The following NUS1 variants were observed in gnomAD, a reference collection of about 807,000 sequenced individuals.
The protein encoded by NUS1 is NUS1 dehydrodolichyl diphosphate synthase subunit.
For synonymous variants in NUS1, 135 were observed against 155.2 expected (o/e 0.87, Z 0.97); for missense variants, 292 against 382.9 (o/e 0.76, Z 1.98).
chr6:117,694,587 G>C (rs1773288930), intron 3 of NUS1, among the ~76,000 whole-genome samples: 1 of 151,990 alleles, frequency 6.6e-6, no homozygotes, highest in Non-Finnish European at 1.5e-5. Flanking sequence ...CTGTTACCAT[G>C]ATTCCTTTTT....
chr6:117,710,111 A>G lies in NUS1; in HGVS notation c.*3096A>G, dbSNP rs1197782620. ...TATGAAATTTCCAAATTAAAAACGT[A>G]TATGTGTACTCTTTTAAAAAGGAAT... On this transcript the variant is annotated 3_prime_UTR_variant, in exon 5 of 5. Transcript: ENST00000368494. 1.3e-5 allele frequency: 2 copies of G among 152,150 alleles called. No homozygotes were observed. Among genetic ancestry groups the G allele is most frequent in the African/African-American group, 4.8e-5 (2 of 41,458 alleles). 9.4% of individuals were successfully genotyped at this position (152,150 alleles called of 1,614,324 possible). A position where few individuals can be genotyped will look rare whatever the true frequency, so the allele number is the denominator to read the frequency against.
chr6:117,698,886 T>C (rs1050760784), intron 3 of NUS1, among the ~76,000 whole-genome samples: 7 of 152,018 alleles, frequency 4.6e-5, no homozygotes, highest in Non-Finnish European at 1.0e-4. Flanking sequence ...TATGATATAT[T>C]GACAGTATGA....
intron 3 of NUS1, 133 bp from the exon 4 acceptor site, chr6:117,703,472 A>T: frequency 1.5e-6 from 1 of 677,212 alleles, no homozygotes. Flanking sequence ...TACAGATAAA[A>T]CTTCTGAAGA....
chr6:117,694,010 A>G, intron 2 of NUS1, 21 bp from the exon 3 acceptor site: 1 of 1,591,326 alleles, frequency 6.3e-7, no homozygotes. Flanking sequence ...TTTAAAATAC[A>G]TTGTTTGTTT....
chr6:117,710,507 G>A lies in NUS1; in HGVS notation c.*3492G>A, dbSNP rs940256952. 6.6e-6 allele frequency: 1 copy of A among 152,152 alleles called. No homozygotes were observed. The highest frequency in any genetic ancestry group is 2.4e-5 in the African/African-American group (1 of 41,536). The allele number at this position is 152,152 out of a possible 1,614,324, so 9.4% of individuals were successfully genotyped here. ...TTCATTATAGGAAAAAGAAGATTCA[G>A]AGAAACAAAGGAATGTAACCTTATT... On this transcript the variant is annotated 3_prime_UTR_variant, in exon 5 of 5. Transcript: ENST00000368494.
intron 1 of NUS1, among the ~76,000 whole-genome samples, chr6:117,683,008 A>G (rs1270243202): frequency 6.6e-6 from 1 of 152,238 alleles, no homozygotes; most frequent in Non-Finnish European, 1.5e-5. Flanking sequence ...TTTGAGTTAT[A>G]GGACACATTT....
At chr6:117,690,560 C>T (rs72951506) in intron 1 of NUS1, among the ~76,000 whole-genome samples, 20,281 of 152,128 alleles carry the variant, frequency 0.13, 1,859 homozygotes, top group South Asian at 0.36. Context: ...CTTATATGAC[C>T]TCTTTTGAAC....
chr6:117,687,573 C>G (rs1161264623), intron 1 of NUS1, among the ~76,000 whole-genome samples: 1 of 152,062 alleles, frequency 6.6e-6, no homozygotes, highest in African/African-American at 2.4e-5. Context: ...TTTCAGCTGG[C>G]CTGTGAAGAA....
chr6:117,706,492 A>G (rs763199131), intron 4 of NUS1, among the ~76,000 whole-genome samples: 2 of 152,224 alleles, frequency 1.3e-5, no homozygotes, highest in Non-Finnish European at 2.9e-5. Context: ...TCTCATTACT[A>G]GTTGCTTTTC....
rs561143064 is a variant in NUS1, at chr6:117,687,943, G to A, written c.416-5099G>A. ...ATATTATAAGGAAGTAGGCTGGGCC[G>A]GTTGCTCATGCCTGTAATCCCAATA... On this transcript the variant is annotated intron_variant, in intron 1 of 4. Coordinates refer to ENST00000368494, the MANE Select transcript of NUS1 (RefSeq NM_138459.5). Among the ~76,000 whole-genome samples the A allele has an allele frequency of 2.2e-4, 33 of 152,268 alleles. 1 individual carries two copies. Among genetic ancestry groups the A allele is most frequent in the Admixed American group, 1.8e-3 (28 of 15,286 alleles).
chr6:117,704,131 C>T (rs768023595), intron 4 of NUS1, among the ~76,000 whole-genome samples: 6 of 152,092 alleles, frequency 3.9e-5, no homozygotes, highest in Non-Finnish European at 7.4e-5. Context: ...TCAGAGGTGT[C>T]AAGGCTCAGA....
intron 1 of NUS1, among the ~76,000 whole-genome samples, chr6:117,678,945 G>A (rs1167049970): frequency 6.6e-6 from 1 of 152,146 alleles, no homozygotes; most frequent in Non-Finnish European, 1.5e-5. Context: ...GCCTCCCAAA[G>A]TGCTGGGATT....
chr6:117,690,975 G>GT, intron 1 of NUS1, among the ~76,000 whole-genome samples: 1 of 73,068 alleles, frequency 1.4e-5, no homozygotes, highest in African/African-American at 4.4e-5. Context: ...GTGAGAGTCT[G>GT]TCTCAAAAAA....
chr6:117,702,877 T>G (rs1773431205), intron 3 of NUS1, among the ~76,000 whole-genome samples: 1 of 152,194 alleles, frequency 6.6e-6, no homozygotes, highest in Non-Finnish European at 1.5e-5. Context: ...GGAACCTTAG[T>G]CTCTTGGATT....
chr6:117,691,826 T>C (rs1773227102), intron 1 of NUS1, among the ~76,000 whole-genome samples: 1 of 151,748 alleles, frequency 6.6e-6, no homozygotes, highest in African/African-American at 2.4e-5. Context: ...GATGTGTGTT[T>C]TGTGTTTCAT....
intron 3 of NUS1, among the ~76,000 whole-genome samples, chr6:117,695,206 A>T (rs1370796028): frequency 6.6e-6 from 1 of 150,940 alleles, no homozygotes; most frequent in African/African-American, 2.4e-5. Context: ...AAAAAAAAAA[A>T]AAAAAAAAAA....
At position 117,693,059 on chromosome 6, in the gene NUS1, A is replaced by C; in HGVS notation, c.433A>C (p.Asn145His). 1 of 1,606,228 alleles carries C rather than the reference A, an allele frequency of 6.2e-7. No homozygotes were observed. ...TTTTAAAGGTATTTTCAAAAGAAAT[A>C]ATTCCAGATTGATGGATGAAATTTT... ...YDHQGIFKRN[N>H]SRLMDEILKQ... is the part of the protein sequence containing the mutation. Residue 145 changes from asparagine (N) to histidine (H), a missense_variant, in exon 2 of 5, where the codon AAT becomes CAT. Coordinates refer to ENST00000368494, the MANE Select transcript of NUS1 (RefSeq NM_138459.5).
chr6:117,701,059 A>C (rs1199751521), intron 3 of NUS1, among the ~76,000 whole-genome samples: 3 of 149,978 alleles, frequency 2.0e-5, no homozygotes, highest in Non-Finnish European at 4.4e-5. Flanking sequence ...GTGTCTATTC[A>C]GGGTCCTTTG....
At chr6:117,685,231 C>T (rs1040510285) in intron 1 of NUS1, among the ~76,000 whole-genome samples, 4 of 152,084 alleles carry the variant, frequency 2.6e-5, no homozygotes, top group African/African-American at 4.8e-5. Context: ...TCTTCTTTCA[C>T]GGAAGTTGAA....
Sources: gnomAD v4.1 joint callset for allele counts (sites outside exome capture counted in the v4.1 genomes callset) on GRCh38, gnomAD v4.1.1 for gene constraint, MANE v1.5 for transcripts, NCBI Gene and HGNC (gene_info 2026-07-23, HGNC 2026-07-21) for gene names.